The following ABCA5 variants were observed in gnomAD, a reference collection of about 807,000 sequenced individuals.
ABCA5 encodes ATP binding cassette subfamily A member 5.
A neutral mutation model predicts 206.0 loss-of-function variants in ABCA5; 163 were observed. The observed-to-expected ratio is 0.79, with a 90% CI of 0.70 to 0.90. The LOEUF (loss-of-function observed/expected upper bound fraction) is 0.90, where lower values mean the gene tolerates loss of function less well. Among genes scored for constraint, ABCA5 ranks in the 40% least tolerant of loss-of-function variants. ABCA5 has a pLI of 0.00. For missense variants in ABCA5, 1,859 were observed against 1,912.9 expected (o/e 0.97, Z 0.53); for synonymous variants, 609 against 613.8 (o/e 0.99, Z 0.11).
chr17:69,263,853 C>T (rs1304850496), intron 24 of ABCA5, among the ~76,000 whole-genome samples: 1 of 151,858 alleles, frequency 6.6e-6, no homozygotes, highest in South Asian at 2.1e-4. Context: ...CATGCCACCA[C>T]GTCCAGCTAT....
At position 69,267,963 on chromosome 17, in the gene ABCA5, C is replaced by T. The variant is rs771706710; in HGVS notation, c.3124G>A (p.Glu1042Lys). ...ATTACCTTATGATTCTCTGCATTTT[C>T]CATGGCAAAGTAAGGTGGCATTGCA... ...VTAMPPYFAMENAENHKIKAY... is the reference protein window; with the variant it reads ...VTAMPPYFAMKNAENHKIKAY... Residue 1042 changes from glutamate (E) to lysine (K), a missense_variant, in exon 23 of 39, where the codon GAA (glutamate) becomes AAA (lysine). Physicochemically the swap from Glu to Lys is moderately conservative, Grantham distance 56 (BLOSUM62 1). Transcript: ENST00000392676. 1.2e-6 allele frequency: 2 copies of T among 1,607,066 alleles called. No individual in the cohort carries two copies. Among genetic ancestry groups the T allele is most frequent in the Non-Finnish European group, 8.5e-7 (1 of 1,174,668 alleles).
At chr17:69,249,068 T>A (rs2074983901) in intron 37 of ABCA5, 1 of 152,082 alleles carries the variant, frequency 6.6e-6, no homozygotes, top group African/African-American at 2.4e-5. Context: ...GGCCATATAT[T>A]ACAGACCAAA....
At position 69,306,847 on chromosome 17, in the gene ABCA5, TA is replaced by T; in HGVS notation, c.665del (p.Leu222Ter). On this transcript the variant is annotated frameshift_variant, in exon 6 of 39. Coordinates refer to ENST00000392676, the MANE Select transcript of ABCA5 (RefSeq NM_172232.4). LOFTEE classifies it high-confidence loss of function. ...GTGAAAATGCTATAACTAGGTATAT[TA>T]AAATTACTCCTCGGGGAAAGGTATC... is the stretch of plus-strand genomic sequence containing the variant. ...EIDTFPRGVI[L>X]IYLVIAFSPF... 1 of 1,605,220 alleles carries T rather than the reference TA, an allele frequency of 6.2e-7. No individual in the cohort carries two copies. Among genetic ancestry groups the T allele is most frequent in the Non-Finnish European group, 8.5e-7 (1 of 1,175,210 alleles).
chr17:69,247,972 AAGTT>A (rs2074970746), intron 38 of ABCA5, among the ~76,000 whole-genome samples: 1 of 152,114 alleles, frequency 6.6e-6, no homozygotes, highest in African/African-American at 2.4e-5. Flanking sequence ...CAGCAAATGA[AAGTT>A]AGCTTGATTT....
chr17:69,301,834 C>T (rs992375618), intron 8 of ABCA5, among the ~76,000 whole-genome samples: 9 of 152,092 alleles, frequency 5.9e-5, no homozygotes, highest in Non-Finnish European at 8.8e-5. Context: ...TAAGTGAATA[C>T]GCTTTAATTA....
intron 38 of ABCA5, 110 bp downstream of exon 38, chr17:69,248,152 C>T (rs770674525): frequency 1.6e-6 from 1 of 616,670 alleles, no homozygotes; most frequent in Non-Finnish European, 2.8e-6. Context: ...CATTCTGTAC[C>T]AATTTGTCAC....
intron 36 of ABCA5, among the ~76,000 whole-genome samples, 188 bp downstream of exon 36, chr17:69,250,284 T>C (rs2074997074): frequency 6.6e-6 from 1 of 151,800 alleles, no homozygotes; most frequent in Non-Finnish European, 1.5e-5. Flanking sequence ...GAGAGATATA[T>C]AAATTATCTA....
chr17:69,262,526 C>A (rs772994582), intron 24 of ABCA5, among the ~76,000 whole-genome samples: 1 of 152,128 alleles, frequency 6.6e-6, no homozygotes, highest in South Asian at 2.1e-4. Flanking sequence ...AGAATAATGG[C>A]CTCCAACTGC....
chr17:69,248,207 G>A (rs929088322), intron 38 of ABCA5, 55 bp downstream of exon 38: 27 of 1,043,672 alleles, frequency 2.6e-5, no homozygotes, highest in Non-Finnish European at 3.0e-5. Flanking sequence ...CAAAACAATC[G>A]ATATCAGATA....
chr17:69,258,026 TGAGGAATAC>T (rs1333419581), intron 28 of ABCA5, among the ~76,000 whole-genome samples: 1 of 152,084 alleles, frequency 6.6e-6, no homozygotes, highest in African/African-American at 2.4e-5. Context: ...TAAGGTGATT[TGAGGAATAC>T]AAGGAATAAA....
chr17:69,256,413 G>C (rs2075080848), intron 28 of ABCA5, 130 bp from the exon 29 acceptor site: 2 of 505,482 alleles, frequency 4.0e-6, no homozygotes, highest in African/African-American at 4.0e-5. Flanking sequence ...TCTCTGAAAG[G>C]TGGAATTATA....
chr17:69,277,865 C>T (rs1345468713), intron 18 of ABCA5, 23 bp from the exon 19 acceptor site: 2 of 1,457,316 alleles, frequency 1.4e-6, no homozygotes, highest in South Asian at 1.5e-5. Flanking sequence ...ACAAAACAAA[C>T]ATTTCAGTAT....
chr17:69,283,984 C>T lies in ABCA5; in HGVS notation c.2361G>A (p.Lys787=), dbSNP rs746880346. 1.7e-5 allele frequency: 28 copies of T among 1,606,630 alleles called. 1 individual carries two copies. The South Asian group carries it at 3.0e-4, about 17-fold the overall frequency. ...SMTTLEDVFL[K]LEVEAEIDQA... ...GGTCAATTTCTGCTTCAACTTCTAG[C>T]TTTAAAAATACGTCTTCCAAAGTCG... Residue 787 remains lysine, a synonymous_variant, in exon 18 of 39, where the codon AAG becomes AAA. Coordinates refer to ENST00000392676, the MANE Select transcript of ABCA5 (RefSeq NM_172232.4).
Position 69,308,345 on chromosome 17 carries a change from C to G in ABCA5, c.493G>C (p.Ala165Pro). Residue 165 changes from alanine (A) to proline (P), a missense_variant, in exon 5 of 39, where the codon GCT becomes CCT. By Grantham distance (27) the Ala-to-Pro change is conservative (BLOSUM62 -1). Coordinates refer to ENST00000392676, the MANE Select transcript of ABCA5 (RefSeq NM_172232.4). ...AAACCTGAGGACCAGTACTGAGCAG[C>G]CTCACATGATTTTGAACAGCCAGCT... ...SRAGCSKSCE[A>P]AQYWSSGFTV... 6.2e-7 allele frequency: 1 copy of G among 1,611,406 alleles called. No individual in the cohort carries two copies. The highest frequency in any genetic ancestry group is 8.5e-7 in the Non-Finnish European group (1 of 1,178,258).
chr17:69,259,761 G>C lies in ABCA5; in HGVS notation c.3676C>G (p.Gln1226Glu), dbSNP rs536236223. ...LQCVLWIFLL[Q>E]YYEKKYGGRS... ...CCTCCATATTTTTTCTCATAGTATT[G>C]TAAGAGGAAAATCCACAGTACACAC... The change falls in exon 28 of 39, where the codon CAA (glutamine) becomes GAA (glutamate). Residue 1226 changes from glutamine (Q) to glutamate (E), a missense_variant. Transcript: ENST00000392676. The C allele has an allele frequency of 6.2e-6, 10 of 1,608,818 alleles. No homozygotes were observed. Among genetic ancestry groups the C allele is most frequent in the African/African-American group, 2.7e-5 (2 of 74,706 alleles).
chr17:69,255,617 A>G lies in ABCA5; in HGVS notation c.3994T>C (p.Leu1332=), dbSNP rs373656978. The part of the protein sequence containing the change: ...CVKKGEILGL[L]GPNGAGKSTI... Reference sequence around the variant, plus strand: ...CTTTTGCCAGCACCATTTGGACCCAATAGTCCTAAGATCTCTCCTAAAGGA... The same window carrying G: ...CTTTTGCCAGCACCATTTGGACCCAGTAGTCCTAAGATCTCTCCTAAAGGA... Residue 1332 remains leucine, a synonymous_variant, in exon 31 of 39, where the codon TTG becomes CTG. Coordinates refer to ENST00000392676, the MANE Select transcript of ABCA5 (RefSeq NM_172232.4). 3 of 1,581,800 alleles carry G rather than the reference A, an allele frequency of 1.9e-6. No homozygotes were observed. The highest frequency in any genetic ancestry group is 2.6e-6 in the Non-Finnish European group (3 of 1,171,436).
intron 5 of ABCA5, 52 bp downstream of exon 5, chr17:69,308,228 T>G: frequency 8.3e-7 from 1 of 1,199,370 alleles, no homozygotes; most frequent in Non-Finnish European, 1.2e-6. Flanking sequence ...AATAAGGAAA[T>G]ATTTATTTTA....
At chr17:69,282,126 C>G (rs2075400582) in intron 18 of ABCA5, among the ~76,000 whole-genome samples, 1 of 152,222 alleles carries the variant, frequency 6.6e-6, no homozygotes, top group South Asian at 2.1e-4. Context: ...AAATCCCTCA[C>G]CGTCCTCTGT....
chr17:69,307,061 T>C (rs1598201051), intron 5 of ABCA5, 107 bp from the exon 6 acceptor site: 1 of 574,968 alleles, frequency 1.7e-6, no homozygotes, highest in East Asian at 3.4e-5. Context: ...CTAGTACAAA[T>C]ACAATCCTCA....
Sources: allele counts gnomAD v4.1 joint callset (sites outside exome capture counted in the v4.1 genomes callset), GRCh38; gene constraint gnomAD v4.1.1; transcripts MANE v1.5; gene names NCBI Gene and HGNC (gene_info 2026-07-23, HGNC 2026-07-21).